ASB18: variants seen among roughly 807,000 people sequenced by gnomAD.
ASB18 encodes ankyrin repeat and SOCS box protein 18.
Under a neutral mutation model 33.4 loss-of-function variants are expected in ASB18, and 33 were observed. That is an observed-to-expected ratio of 0.99 (90% CI 0.75 to 1.32). ASB18 has a LOEUF of 1.32. ASB18 is among the 40% of genes most tolerant of loss of function. The probability of loss-of-function intolerance (pLI) is 0.00; values close to 1 mark genes in which losing one functional copy is unlikely to be tolerated. For missense variants in ASB18, 694 were observed against 655.5 expected, an observed-to-expected ratio of 1.06 and a Z score of -0.64; for synonymous variants, 295 against 307.6, an observed-to-expected ratio of 0.96 and a Z score of 0.43.
intron 3 of ASB18, among the ~76,000 whole-genome samples, chr2:236,218,070 C>G (rs893777655): frequency 6.6e-6 from 1 of 152,202 alleles, no homozygotes; most frequent in Non-Finnish European, 1.5e-5. Flanking sequence ...GACCAGTCCC[C>G]TTTTCCACGT....
rs1345816359 is a variant in ASB18, at chr2:236,221,390, A to ACCTTGAGTTTTACTCC, written c.597-6540_597-6525dup. Among the ~76,000 whole-genome samples the ACCTTGAGTTTTACTCC allele has an allele frequency of 6.6e-6, 1 of 152,096 alleles. No individual in the cohort carries two copies. Among genetic ancestry groups the ACCTTGAGTTTTACTCC allele is most frequent in the East Asian group, 1.9e-4 (1 of 5,190 alleles). ...TTGGTTGTGTCCCCACCCAAATCTC[A>ACCTTGAGTTTTACTCC]CCTTGAGTTTTACTCCCATAATTCC... On this transcript the variant is annotated intron_variant, in intron 3 of 5. Transcript: ENST00000409749. The surrounding 1 kb of genome is among the most constrained non-coding windows in gnomAD (Gnocchi z 5.6).
At position 236,194,757 on chromosome 2, in the gene ASB18, G is replaced by C; in HGVS notation, c.*115C>G. 1.1e-6 allele frequency: 1 copy of C among 887,422 alleles called. No individual in the cohort carries two copies. The highest frequency in any genetic ancestry group is 1.7e-6 in the Non-Finnish European group (1 of 589,168). The allele number at this position is 887,422 out of a possible 1,614,324, so 55.0% of individuals were successfully genotyped here. A position where few individuals can be genotyped will look rare whatever the true frequency, so the allele number is the denominator to read the frequency against. ...TGTGCTTCACCCGGTCCCACGGAGAGCAAGTGGGAAGGGAACTCCCATCAC... is the reference window on the plus strand; with the variant it reads ...TGTGCTTCACCCGGTCCCACGGAGACCAAGTGGGAAGGGAACTCCCATCAC... On this transcript the variant is annotated 3_prime_UTR_variant, in exon 6 of 6. Transcript: ENST00000409749. The surrounding 1 kb of genome is among the most constrained non-coding windows in gnomAD (Gnocchi z 4.5).
intron 4 of ASB18, among the ~76,000 whole-genome samples, chr2:236,197,143 C>T (rs182464231): frequency 6.6e-6 from 1 of 152,202 alleles, no homozygotes; most frequent in African/African-American, 2.4e-5. Context: ...TCCATGTATC[C>T]TATAATTTTA....
rs2060661827 is a variant in ASB18, at chr2:236,249,973, A to G, written c.206-8571T>C. On this transcript the variant is annotated intron_variant, in intron 1 of 5. Coordinates refer to ENST00000409749, the MANE Select transcript of ASB18 (RefSeq NM_212556.4). This position sits in a 1 kb window ranked among gnomAD's most constrained non-coding sequence, Gnocchi z 4.6. The stretch of plus-strand genomic sequence containing the variant: ...CACAAACATGAGTTCTTTATAATTG[A>G]GTCCTATAGTGGAGACACAAACATG... 6.6e-6 allele frequency: 1 copy of G among 152,214 alleles called. No individual in the cohort carries two copies. Among genetic ancestry groups the G allele is most frequent in the Non-Finnish European group, 1.5e-5 (1 of 68,044 alleles). 9.4% of individuals were successfully genotyped at this position (152,214 alleles called of 1,614,324 possible).
chr2:236,243,190 TGTG>T, intron 1 of ASB18, among the ~76,000 whole-genome samples: 1 of 150,706 alleles, frequency 6.6e-6, no homozygotes, highest in Non-Finnish European at 1.5e-5. Context: ...ATTAGCTGGG[TGTG>T]GTGGTGGGCG....
chr2:236,198,452 T>A (rs2060384574), intron 4 of ASB18, among the ~76,000 whole-genome samples: 1 of 152,162 alleles, frequency 6.6e-6, no homozygotes, highest in Admixed American at 6.5e-5. Context: ...CACTGCAACC[T>A]CTGCCTCCCA....
chr2:236,244,993 A>C lies in ASB18; in HGVS notation c.206-3591T>G, dbSNP rs903422628. Among the ~76,000 whole-genome samples the C allele has an allele frequency of 2.0e-5, 3 of 152,050 alleles. No individual in the cohort carries two copies. Among genetic ancestry groups the C allele is most frequent in the Non-Finnish European group, 2.9e-5 (2 of 68,012 alleles). On this transcript the variant is annotated intron_variant, in intron 1 of 5. Coordinates refer to ENST00000409749, the MANE Select transcript of ASB18 (RefSeq NM_212556.4). The surrounding 1 kb of genome is among the most constrained non-coding windows in gnomAD (Gnocchi z 6.1). ...CAGTGGTGCTGGGTGGGGAGGGATGAGGCCACGTTTGGCAGTCTATGATGC... is the reference window on the plus strand; with the variant it reads ...CAGTGGTGCTGGGTGGGGAGGGATGCGGCCACGTTTGGCAGTCTATGATGC...
At chr2:236,202,779 A>C (rs2060410822) in intron 4 of ASB18, among the ~76,000 whole-genome samples, 1 of 106,650 alleles carries the variant, frequency 9.4e-6, no homozygotes, top group Admixed American at 8.5e-5. Context: ...CTCCGTCTCA[A>C]AAAAAAAAAA....
rs2060494504 is a variant in ASB18 at position 236,217,771 on chromosome 2, AGT to A, written c.597-2907_597-2906del. Among the ~76,000 whole-genome samples, 1 of 152,144 alleles carries A rather than the reference AGT, an allele frequency of 6.6e-6. No homozygotes were observed. The highest frequency in any genetic ancestry group is 6.5e-5 in the Admixed American group (1 of 15,278). ...GTGTCTTGAGAAGTGGTCTGTCTTG[AGT>A]GAAAGATCTTTACAAACAAGTACAG... On this transcript the variant is annotated intron_variant, in intron 3 of 5. Coordinates refer to ENST00000409749, the MANE Select transcript of ASB18 (RefSeq NM_212556.4). The surrounding 1 kb of genome is among the most constrained non-coding windows in gnomAD (Gnocchi z 5.2).
chr2:236,193,519 G>A lies in ASB18; in HGVS notation c.*1353C>T, dbSNP rs927484500. Among the ~76,000 whole-genome samples the A allele has an allele frequency of 1.1e-4, 17 of 152,206 alleles. No homozygotes were observed. The highest frequency in any genetic ancestry group is 4.1e-4 in the African/African-American group (17 of 41,446). On this transcript the variant is annotated 3_prime_UTR_variant, in exon 6 of 6. Coordinates refer to ENST00000409749, the MANE Select transcript of ASB18 (RefSeq NM_212556.4). This position sits in a 1 kb window ranked among gnomAD's most constrained non-coding sequence, Gnocchi z 5.0. ...GATAAGAAACAAAACTGATTCGGCA[G>A]GGCATGGTGACTCATGCCTGTAATC...
chr2:236,264,251 ACTCT>A lies in ASB18; in HGVS notation c.91_94del (p.Arg31Ter). The A allele has an allele frequency of 6.2e-7, 1 of 1,613,500 alleles. No homozygotes were observed. ...GATTTCAGTGCAGATTAAATCCCTC[ACTCT>A]CTCCTCATCTTTGGCATCCAGGGCA... On this transcript the variant is annotated frameshift_variant, in exon 1 of 6. Transcript: ENST00000409749. LOFTEE classifies it high-confidence loss of function. This position sits in a 1 kb window ranked among gnomAD's most constrained non-coding sequence, Gnocchi z 5.1.
chr2:236,257,415 T>C lies in ASB18; in HGVS notation c.205+6726A>G, dbSNP rs2060697433. 6.6e-6 allele frequency among the ~76,000 whole-genome samples: 1 copy of C among 152,172 alleles called. No homozygotes were observed. Among genetic ancestry groups the C allele is most frequent in the South Asian group, 2.1e-4 (1 of 4,832 alleles). On this transcript the variant is annotated intron_variant, in intron 1 of 5. Transcript: ENST00000409749. The surrounding 1 kb of genome is among the most constrained non-coding windows in gnomAD (Gnocchi z 5.5). Reference sequence around the variant, plus strand: ...GCCGTGGGTGACCTCTCGCTTCCCATTTCTGTTTTTATTCTCCAGCCTAGC... The same window carrying C: ...GCCGTGGGTGACCTCTCGCTTCCCACTTCTGTTTTTATTCTCCAGCCTAGC...
chr2:236,245,785 G>A lies in ASB18; in HGVS notation c.206-4383C>T, dbSNP rs575226388. ...TGGGAAGTTCTTCATGCCCCGCATG[G>A]TGTTCCACACAGAGAAGGTCTTCAA... On this transcript the variant is annotated intron_variant, in intron 1 of 5. Coordinates refer to ENST00000409749, the MANE Select transcript of ASB18 (RefSeq NM_212556.4). This position sits in a 1 kb window ranked among gnomAD's most constrained non-coding sequence, Gnocchi z 4.7. Among the ~76,000 whole-genome samples, 12 of 152,350 alleles carry A rather than the reference G, an allele frequency of 7.9e-5. No individual in the cohort carries two copies. The highest frequency in any genetic ancestry group is 7.2e-4 in the Admixed American group (11 of 15,298).
intron 3 of ASB18, among the ~76,000 whole-genome samples, chr2:236,236,994 C>T (rs2060594799): frequency 6.6e-6 from 1 of 152,126 alleles, no homozygotes; most frequent in South Asian, 2.1e-4. Context: ...AGACCCGGAG[C>T]ACACGCTGGG....
In ASB18 at chr2:236,196,500, C is replaced by G; in HGVS notation, c.1102-115G>C. The G allele has an allele frequency of 1.5e-6, 1 of 651,660 alleles. No homozygotes were observed. Among genetic ancestry groups the G allele is most frequent in the South Asian group, 1.8e-5 (1 of 56,162 alleles). 40.4% of individuals were successfully genotyped at this position (651,660 alleles called of 1,614,324 possible). ...CCTAGCTGTGTGACCTCCCTACGCC[C>G]AAGCCACACAGGGAACAGCAACAGA... is the stretch of plus-strand genomic sequence containing the variant. On this transcript the variant is annotated intron_variant, in intron 4 of 5. Coordinates refer to ENST00000409749, the MANE Select transcript of ASB18 (RefSeq NM_212556.4). This position sits in a 1 kb window ranked among gnomAD's most constrained non-coding sequence, Gnocchi z 5.6.
rs2060363032 is a variant in ASB18 at position 236,194,785 on chromosome 2, C to G, written c.*87G>C. ...AGTGGGAAGGGAACTCCCATCACCT[C>G]CATCTGCATCAGGGCACTCTCCAAC... On this transcript the variant is annotated 3_prime_UTR_variant, in exon 6 of 6. Transcript: ENST00000409749. This position sits in a 1 kb window ranked among gnomAD's most constrained non-coding sequence, Gnocchi z 4.5. 1.6e-5 allele frequency: 19 copies of G among 1,190,322 alleles called. No homozygotes were observed. The highest frequency in any genetic ancestry group is 2.2e-5 in the Non-Finnish European group (19 of 844,760). The allele number at this position is 1,190,322 out of a possible 1,614,324, so 73.7% of individuals were successfully genotyped here. A position where few individuals can be genotyped will look rare whatever the true frequency, so the allele number is the denominator to read the frequency against.
intron 3 of ASB18, among the ~76,000 whole-genome samples, chr2:236,236,909 T>C (rs766492874): frequency 6.6e-6 from 1 of 151,854 alleles, no homozygotes; most frequent in Non-Finnish European, 1.5e-5. Flanking sequence ...AACAGAAAAG[T>C]CAGGATGACA....
chr2:236,231,676 A>C lies in ASB18; in HGVS notation c.596+6013T>G, dbSNP rs1452584158. ...TGGTCTCAAACTCCTGGCCTCAAGCAATCCTCCAACCTTGGCCTCCCAAAG... is the reference window on the plus strand; with the variant it reads ...TGGTCTCAAACTCCTGGCCTCAAGCCATCCTCCAACCTTGGCCTCCCAAAG... On this transcript the variant is annotated intron_variant, in intron 3 of 5. Coordinates refer to ENST00000409749, the MANE Select transcript of ASB18 (RefSeq NM_212556.4). This position sits in a 1 kb window ranked among gnomAD's most constrained non-coding sequence, Gnocchi z 5.5. Among the ~76,000 whole-genome samples the C allele has an allele frequency of 6.6e-6, 1 of 152,208 alleles. No individual in the cohort carries two copies. The highest frequency in any genetic ancestry group is 1.5e-5 in the Non-Finnish European group (1 of 68,042).
rs2060550261 is a variant in ASB18, at chr2:236,228,301, C to T, written c.596+9388G>A. ...CTCAACCTCCCAAAGGGCCTCTGGG[C>T]TCTCAGGCTGAGGGTTCTATGAAGG... On this transcript the variant is annotated intron_variant, in intron 3 of 5. Transcript: ENST00000409749. This position sits in a 1 kb window ranked among gnomAD's most constrained non-coding sequence, Gnocchi z 5.1. Among the ~76,000 whole-genome samples the T allele has an allele frequency of 1.3e-5, 2 of 152,022 alleles. No homozygotes were observed. Among genetic ancestry groups the T allele is most frequent in the East Asian group, 1.9e-4 (1 of 5,168 alleles).
Sources: allele counts gnomAD v4.1 joint callset (sites outside exome capture counted in the v4.1 genomes callset), GRCh38; gene constraint gnomAD v4.1.1; non-coding constraint Gnocchi (gnomAD v3.1); transcripts MANE v1.5; gene names NCBI Gene and HGNC (gene_info 2026-07-23, HGNC 2026-07-21).